The following GPHN variants were observed in gnomAD, a reference collection of about 807,000 sequenced individuals.
GPHN encodes gephyrin.
GPHN carries 17 observed loss-of-function variants against 95.5 expected under a neutral mutation model. The observed-to-expected ratio is 0.18, with a 90% CI of 0.12 to 0.27. The LOEUF is 0.27. GPHN is among the 10% of genes least tolerant of loss of function. GPHN has a pLI of 1.00. For synonymous variants in GPHN, 320 were observed against 322.5 expected, an observed-to-expected ratio of 0.99 and a Z score of 0.08; for missense variants, 660 against 978.1, an observed-to-expected ratio of 0.67 and a Z score of 4.34.
Position 67,023,687 on chromosome 14 carries a change from A to G in GPHN, c.1006+12A>G, listed in dbSNP as rs2073779815. 3 of 1,608,462 alleles carry G rather than the reference A, an allele frequency of 1.9e-6. No homozygotes were observed. The highest frequency in any genetic ancestry group is 1.3e-5 in the African/African-American group (1 of 74,810). ...CATTCTCAGAGCCAGTAAGTATTTTACCATTTCTGGTGGGCTGCTGAACTA... is the reference window on the plus strand; with the variant it reads ...CATTCTCAGAGCCAGTAAGTATTTTGCCATTTCTGGTGGGCTGCTGAACTA... On this transcript the variant is annotated intron_variant, in intron 10 of 22. Transcript: ENST00000478722.
chr14:67,024,940 A>T (rs567285450), intron 10 of GPHN, among the ~76,000 whole-genome samples: 21 of 152,204 alleles, frequency 1.4e-4, no homozygotes, highest in Admixed American at 8.5e-4. Context: ...CCTTGGGCAA[A>T]CACAATTATT....
chr14:66,866,267 T>C (rs1468374504), intron 4 of GPHN, among the ~76,000 whole-genome samples: 1 of 152,198 alleles, frequency 6.6e-6, no homozygotes, highest in Non-Finnish European at 1.5e-5. Flanking sequence ...AGTAACTCTT[T>C]TTTTTAACGT....
chr14:66,834,366 A>G (rs971259455), intron 4 of GPHN, among the ~76,000 whole-genome samples: 33 of 152,334 alleles, frequency 2.2e-4, no homozygotes, highest in Middle Eastern at 3.4e-3. Context: ...TAGACCATTT[A>G]GATAAATAAT....
the GPHN span, chr14:67,620,005 C>T: frequency 3.7e-6 from 6 of 1,608,826 alleles, no homozygotes; most frequent in Admixed American, 3.4e-5. Flanking sequence ...CCTCTCGCGT[C>T]TCCTCCAGAC....
intron 6 of GPHN, 28 bp from the exon 7 acceptor site, chr14:66,922,637 TA>T (rs1473652860): frequency 1.3e-6 from 2 of 1,573,576 alleles, no homozygotes; most frequent in Non-Finnish European, 1.7e-6. Context: ...TGCTTCATCT[TA>T]ATTTTTTTTT....
chr14:67,620,052 C>G, the GPHN span: 3 of 1,611,440 alleles, frequency 1.9e-6, no homozygotes, highest in East Asian at 6.7e-5. Flanking sequence ...CCGTCCACTC[C>G]GTGGCTGTGA....
the GPHN span, chr14:67,395,325 C>T: frequency 4.5e-6 from 6 of 1,347,096 alleles, no homozygotes; most frequent in Non-Finnish European, 5.2e-6. Flanking sequence ...ACAGAGCCCC[C>T]CCAAGGGGCA....
intron 4 of GPHN, among the ~76,000 whole-genome samples, chr14:66,873,716 C>T (rs1023787452): frequency 2.0e-5 from 3 of 152,190 alleles, no homozygotes; most frequent in African/African-American, 7.2e-5. Flanking sequence ...TCTCTAGATT[C>T]CTTCTCTCTG....
At chr14:67,359,816 C>G in the GPHN span, 1 of 1,183,138 alleles carries the variant, frequency 8.5e-7, no homozygotes. Context: ...TCACTTGACC[C>G]CTCTTGTTGC....
the GPHN span, among the ~76,000 whole-genome samples, chr14:67,671,761 C>T: frequency 6.6e-6 from 1 of 152,072 alleles, no homozygotes; most frequent in African/African-American, 2.4e-5. Context: ...TTTCAAGGGC[C>T]TTCTTGCTAC....
At chr14:67,682,833 C>T in the GPHN span, among the ~76,000 whole-genome samples, 90 of 152,296 alleles carry the variant, frequency 5.9e-4, no homozygotes, top group African/African-American at 2.0e-3. Flanking sequence ...AACCCAAATG[C>T]CCATCACCTG....
chr14:66,769,592 T>A (rs1189308690), intron 2 of GPHN, among the ~76,000 whole-genome samples: 1 of 152,180 alleles, frequency 6.6e-6, no homozygotes, highest in Admixed American at 6.6e-5. Context: ...CTTTCTGTTC[T>A]TGCATTAGTT....
At chr14:67,515,970 C>A in the GPHN span, among the ~76,000 whole-genome samples, 1 of 152,236 alleles carries the variant, frequency 6.6e-6, no homozygotes, top group Non-Finnish European at 1.5e-5. Flanking sequence ...TCACGATTTG[C>A]TTTATACCAT....
At chr14:66,994,354 A>G (rs2153605999) in intron 9 of GPHN, among the ~76,000 whole-genome samples, 1 of 152,224 alleles carries the variant, frequency 6.6e-6, no homozygotes, top group East Asian at 1.9e-4. Context: ...CAACTGAGTA[A>G]AACTGTCTCA....
At chr14:66,734,480 C>T (rs1425632683) in intron 2 of GPHN, among the ~76,000 whole-genome samples, 1 of 152,148 alleles carries the variant, frequency 6.6e-6, no homozygotes, top group Non-Finnish European at 1.5e-5. Flanking sequence ...CAGATCACCT[C>T]TTCAGATAGG....
At chr14:66,547,532 T>A (rs2059646458) in intron 1 of GPHN, among the ~76,000 whole-genome samples, 1 of 152,232 alleles carries the variant, frequency 6.6e-6, no homozygotes, top group Non-Finnish European at 1.5e-5. Context: ...GACAAGGTAT[T>A]TGAAAAAGTA....
chr14:66,738,725 G>A (rs1038335719), intron 2 of GPHN, among the ~76,000 whole-genome samples: 1 of 152,014 alleles, frequency 6.6e-6, no homozygotes, highest in Non-Finnish European at 1.5e-5. Flanking sequence ...TTCACTTAAT[G>A]TATTTATTCC....
At chr14:67,583,798 G>A in the GPHN span, 49 of 1,612,768 alleles carry the variant, frequency 3.0e-5, no homozygotes, top group Admixed American at 6.7e-4. Context: ...CACATCCCCT[G>A]CCAAGGCTCA....
intron 18 of GPHN, among the ~76,000 whole-genome samples, chr14:67,143,847 A>C (rs942665490): frequency 6.6e-6 from 1 of 152,004 alleles, no homozygotes; most frequent in Non-Finnish European, 1.5e-5. Flanking sequence ...ATATATTCCA[A>C]ATCTACCAAG....
Sources: allele counts gnomAD v4.1 joint callset (sites outside exome capture counted in the v4.1 genomes callset), GRCh38; gene constraint gnomAD v4.1.1; transcripts MANE v1.5; gene names NCBI Gene and HGNC (gene_info 2026-07-23, HGNC 2026-07-21).